Variants in USH2A observed in about 807,000 individuals in gnomAD.
USH2A encodes usherin.
A neutral mutation model predicts 538.9 loss-of-function variants in USH2A; 443 were observed. That is an observed-to-expected ratio of 0.82 (90% CI 0.76 to 0.89). USH2A has a LOEUF of 0.89. USH2A is among the 40% of genes least tolerant of loss of function. The pLI is 0.00. For missense variants in USH2A, 6,633 were observed against 6,324.8 expected (o/e 1.05, Z -1.65); for synonymous variants, 2,413 against 2,273.5 (o/e 1.06, Z -1.75).
chr1:215,946,573 G>A (rs1055867086), intron 37 of USH2A, among the ~76,000 whole-genome samples: 2 of 152,130 alleles, frequency 1.3e-5, no homozygotes, highest in African/African-American at 2.4e-5. Flanking sequence ...TTGAAACCCG[G>A]TAGACAAAAC....
At chr1:215,950,886 T>G (rs993263972) in intron 37 of USH2A, among the ~76,000 whole-genome samples, 2 of 152,200 alleles carry the variant, frequency 1.3e-5, no homozygotes, top group Non-Finnish European at 2.9e-5. Context: ...TAAATGTAAC[T>G]AATATTCAAC....
At chr1:215,661,451 T>C (rs750462874) in intron 64 of USH2A, among the ~76,000 whole-genome samples, 1 of 152,170 alleles carries the variant, frequency 6.6e-6, no homozygotes, top group Non-Finnish European at 1.5e-5. Flanking sequence ...AGCTTCTGGC[T>C]CTTCCTACTC....
At chr1:216,046,006 GGTGTGTGTGTGT>G (rs59426829) in intron 32 of USH2A, among the ~76,000 whole-genome samples, 2,495 of 137,748 alleles carry the variant, frequency 0.018, 89 homozygotes, top group African/African-American at 0.063. Flanking sequence ...CTATTTATCT[GGTGTGTGTGTGT>G]GTGTGTGTGT....
At chr1:216,196,164 G>A (rs1025552228) in intron 19 of USH2A, among the ~76,000 whole-genome samples, 19 of 152,028 alleles carry the variant, frequency 1.2e-4, no homozygotes, top group Non-Finnish European at 2.1e-4. Flanking sequence ...TTTTATCAAT[G>A]TTATTTATAT....
At chr1:215,698,744 T>A (rs1423480174) in intron 61 of USH2A, among the ~76,000 whole-genome samples, 1 of 152,214 alleles carries the variant, frequency 6.6e-6, no homozygotes, top group Admixed American at 6.5e-5. Context: ...GATGGATAGG[T>A]TGCAAAAATT....
chr1:216,015,084 G>A (rs996555865), intron 32 of USH2A, among the ~76,000 whole-genome samples: 1 of 151,992 alleles, frequency 6.6e-6, no homozygotes, highest in African/African-American at 2.4e-5. Context: ...CTTTTTCCTG[G>A]TTTTCCTTTC....
chr1:215,954,788 A>C (rs922119635), intron 37 of USH2A, among the ~76,000 whole-genome samples: 30 of 152,154 alleles, frequency 2.0e-4, no homozygotes, highest in Admixed American at 2.6e-4. Flanking sequence ...CTTTATGCCA[A>C]AGTCCTTAAA....
At chr1:216,161,321 A>G (rs2034054826) in intron 21 of USH2A, among the ~76,000 whole-genome samples, 1 of 151,990 alleles carries the variant, frequency 6.6e-6, no homozygotes, top group Non-Finnish European at 1.5e-5. Flanking sequence ...TTTAACATTT[A>G]GTGTTTCCTT....
chr1:216,056,573 TAATTAAAAA>T (rs2030980797), intron 30 of USH2A, among the ~76,000 whole-genome samples: 1 of 152,124 alleles, frequency 6.6e-6, no homozygotes, highest in South Asian at 2.1e-4. Context: ...TGAAAAATGG[TAATTAAAAA>T]CAATAATAGC....
At chr1:216,279,597 AT>A (rs762514856) in intron 11 of USH2A, among the ~76,000 whole-genome samples, 134 of 152,236 alleles carry the variant, frequency 8.8e-4, no homozygotes, top group Non-Finnish European at 1.7e-3. Context: ...AACTTCCTGA[AT>A]GAGAATCTGT....
chr1:216,357,105 T>C (rs1263486309), intron 4 of USH2A, among the ~76,000 whole-genome samples: 2 of 152,262 alleles, frequency 1.3e-5, no homozygotes, highest in East Asian at 1.9e-4. Context: ...TTTCCTCTAC[T>C]ACCTTATGAT....
intron 15 of USH2A, among the ~76,000 whole-genome samples, chr1:216,210,519 A>C (rs1180548470): frequency 6.6e-6 from 1 of 152,168 alleles, no homozygotes; most frequent in Non-Finnish European, 1.5e-5. Context: ...CCTTGCTCAC[A>C]AGAAGCAGGG....
chr1:216,097,305 G>A (rs1182385978), intron 21 of USH2A, 92 bp from the exon 22 acceptor site: 3 of 1,602,430 alleles, frequency 1.9e-6, no homozygotes, highest in Non-Finnish European at 2.6e-6. Context: ...TATTTATGAT[G>A]TAGTGAGTAC....
At chr1:216,210,883 A>G (rs1429757939) in intron 15 of USH2A, among the ~76,000 whole-genome samples, 1 of 152,048 alleles carries the variant, frequency 6.6e-6, no homozygotes, top group Non-Finnish European at 1.5e-5. Context: ...CGGCAGGCTC[A>G]GGCGGAAGAA....
intron 4 of USH2A, among the ~76,000 whole-genome samples, chr1:216,332,795 C>T (rs898339520): frequency 3.9e-5 from 6 of 152,078 alleles, no homozygotes; most frequent in Admixed American, 3.9e-4. Flanking sequence ...CTCAGGAAAG[C>T]CACTAAACAA....
intron 58 of USH2A, among the ~76,000 whole-genome samples, chr1:215,746,129 C>G (rs1255604146): frequency 4.6e-5 from 7 of 152,206 alleles, no homozygotes. Context: ...GCTGGAGCCA[C>G]TGTCTATGTG....
At chr1:216,384,057 T>G (rs2102737277) in intron 3 of USH2A, among the ~76,000 whole-genome samples, 1 of 151,956 alleles carries the variant, frequency 6.6e-6, no homozygotes, top group Non-Finnish European at 1.5e-5. Context: ...CTACAAATTT[T>G]ATTCTTTAAT....
At chr1:215,941,111 A>C (rs754679308) in intron 37 of USH2A, among the ~76,000 whole-genome samples, 1 of 152,080 alleles carries the variant, frequency 6.6e-6, no homozygotes, top group Non-Finnish European at 1.5e-5. Context: ...AATGTATCTC[A>C]TTTTATGAAT....
intron 3 of USH2A, among the ~76,000 whole-genome samples, chr1:216,394,720 CT>C (rs780581599): frequency 4.7e-4 from 56 of 120,322 alleles, no homozygotes; most frequent in African/African-American, 6.3e-4. Flanking sequence ...CTGGTCCAGT[CT>C]TTTTTTTTTT....
Sources: gnomAD v4.1 joint callset for allele counts (sites outside exome capture counted in the v4.1 genomes callset) on GRCh38, gnomAD v4.1.1 for gene constraint, MANE v1.5 for transcripts, NCBI Gene and HGNC (gene_info 2026-07-23, HGNC 2026-07-21) for gene names.